Variants in ZFHX3 observed in about 807,000 individuals in gnomAD.
ZFHX3 encodes the protein zinc finger homeobox protein 3.
ZFHX3 carries 42 observed loss-of-function variants against 279.1 expected under a neutral mutation model. The ratio of observed to expected loss-of-function variants is 0.15; its 90% CI spans 0.12 to 0.19. ZFHX3 has a LOEUF of 0.19. ZFHX3 is among the 10% of genes least tolerant of loss of function. The probability of loss-of-function intolerance (pLI) is 1.00; values close to 1 mark genes in which losing one functional copy is unlikely to be tolerated. For missense variants in ZFHX3, 4,981 were observed against 4,754.0 expected, an observed-to-expected ratio of 1.05 and a Z score of -1.40; for synonymous variants, 2,293 against 1,957.8, an observed-to-expected ratio of 1.17 and a Z score of -4.52.
chr16:73,183,792 G>C (rs1384230743), intron 5 of ZFHX3, among the ~76,000 whole-genome samples: 1 of 152,078 alleles, frequency 6.6e-6, no homozygotes, highest in African/African-American at 2.4e-5. Context: ...TGGAGATGGG[G>C]AGAAATTAAT....
At chr16:72,799,564 C>T (rs891245332) in intron 8 of ZFHX3, among the ~76,000 whole-genome samples, 3 of 152,216 alleles carry the variant, frequency 2.0e-5, no homozygotes, top group Admixed American at 1.3e-4. Flanking sequence ...CTACTGTCTA[C>T]AACAATGTTC....
intron 2 of ZFHX3, among the ~76,000 whole-genome samples, chr16:73,467,693 A>T (rs2018596650): frequency 6.6e-6 from 1 of 152,182 alleles, no homozygotes; most frequent in Non-Finnish European, 1.5e-5. Context: ...ATATGTATGA[A>T]AATGTTCATA....
At chr16:73,594,225 A>T (rs2052026634) in intron 2 of ZFHX3, among the ~76,000 whole-genome samples, 1 of 152,228 alleles carries the variant, frequency 6.6e-6, no homozygotes, top group South Asian at 2.1e-4. Context: ...AAATTGAGTT[A>T]TCAAATTAAA....
chr16:73,597,476 C>T (rs1426088469), intron 2 of ZFHX3, among the ~76,000 whole-genome samples: 1 of 152,122 alleles, frequency 6.6e-6, no homozygotes, highest in Non-Finnish European at 1.5e-5. Context: ...CAGAATATGA[C>T]CTTATTTGAC....
intron 1 of ZFHX3, among the ~76,000 whole-genome samples, chr16:73,053,615 C>G (rs528551962): frequency 6.6e-6 from 1 of 152,022 alleles, no homozygotes; most frequent in African/African-American, 2.4e-5. Context: ...AATACCAGGG[C>G]GAGTGGATGT....
exon 8 of ZFHX3, chr16:73,093,320 T>G: frequency 2.4e-6 from 1 of 420,908 alleles, no homozygotes; most frequent in Admixed American, 2.8e-5. Flanking sequence ...AGATGCATAT[T>G]GAAAGCCAGA....
chr16:73,258,599 C>G (rs2013729179), intron 4 of ZFHX3, among the ~76,000 whole-genome samples: 1 of 152,142 alleles, frequency 6.6e-6, no homozygotes, highest in African/African-American at 2.4e-5. Flanking sequence ...CCGCCCACCT[C>G]AGCCTCCCAA....
intron 5 of ZFHX3, among the ~76,000 whole-genome samples, chr16:73,242,782 C>G (rs79764831): frequency 0.02 from 3,036 of 152,236 alleles, 111 homozygotes; most frequent in African/African-American, 0.07. Flanking sequence ...CCTGTCTTAA[C>G]GAGCGGAGTA....
chr16:73,706,357 G>A (rs2053303563), intron 1 of ZFHX3, among the ~76,000 whole-genome samples: 1 of 151,650 alleles, frequency 6.6e-6, no homozygotes, highest in Non-Finnish European at 1.5e-5. Flanking sequence ...AGCTACTCGG[G>A]AGGCTGAAGC....
intron 2 of ZFHX3, among the ~76,000 whole-genome samples, chr16:73,574,002 T>C (rs963935676): frequency 6.6e-6 from 1 of 152,216 alleles, no homozygotes; most frequent in African/African-American, 2.4e-5. Flanking sequence ...TTCTTTTCTG[T>C]CTTCCTTTTT....
rs373078217 is a variant in ZFHX3 at position 73,526,395 on chromosome 16, C to T, written c.-1546-70137G>A. 9.2e-5 allele frequency among the ~76,000 whole-genome samples: 14 copies of T among 152,334 alleles called. No individual in the cohort carries two copies. The East Asian group carries it at 2.3e-3, about 25-fold the overall frequency. ...GAGAAAGGAGGGGCCAAGTCTTGAG[C>T]GTAAGCTGTGACCTCGCCACCCCCA... is the stretch of plus-strand genomic sequence containing the variant. On this transcript the variant is annotated intron_variant, in intron 2 of 17. Transcript: ENST00000641206.
At chr16:73,891,595 A>C (rs1380237053) in intron 1 of ZFHX3, 1 of 152,376 alleles carries the variant, frequency 6.6e-6, no homozygotes, top group Non-Finnish European at 1.5e-5. Flanking sequence ...ACACACGCAG[A>C]AAGAGACAGA....
intron 3 of ZFHX3, among the ~76,000 whole-genome samples, chr16:72,941,461 A>G (rs922741994): frequency 2.0e-5 from 3 of 152,190 alleles, no homozygotes; most frequent in African/African-American, 7.2e-5. Context: ...CCAGAGGTAG[A>G]GCTGCTAAAC....
chr16:73,074,809 T>G (rs900006779), intron 8 of ZFHX3, among the ~76,000 whole-genome samples: 14 of 151,776 alleles, frequency 9.2e-5, no homozygotes, highest in African/African-American at 3.4e-4. Context: ...TTTCCTTTTC[T>G]TTTTTATTTG....
chr16:73,789,688 C>G (rs16972566), intron 1 of ZFHX3, among the ~76,000 whole-genome samples: 1 of 152,056 alleles, frequency 6.6e-6, no homozygotes, highest in African/African-American at 2.4e-5. Context: ...GTAATAAATA[C>G]GTTGCCAGGC....
At chr16:73,624,091 A>G (rs1472218780) in intron 2 of ZFHX3, among the ~76,000 whole-genome samples, 1 of 152,188 alleles carries the variant, frequency 6.6e-6, no homozygotes, top group Non-Finnish European at 1.5e-5. Context: ...GTGTTAATGT[A>G]ATTTTTTAAG....
intron 4 of ZFHX3, among the ~76,000 whole-genome samples, chr16:73,260,680 GTTTTTTTTTTTTTT>G (rs370384540): frequency 7.1e-4 from 63 of 88,406 alleles, no homozygotes; most frequent in Non-Finnish European, 5.4e-4. Context: ...CACCTATCTG[GTTTTTTTTTTTTTT>G]TTTTTTTTTT....
intron 1 of ZFHX3, among the ~76,000 whole-genome samples, chr16:72,986,614 C>T (rs1425186581): frequency 6.6e-6 from 1 of 152,166 alleles, no homozygotes; most frequent in African/African-American, 2.4e-5. Flanking sequence ...CCGTTTTCCT[C>T]GAGACGCAAG....
At chr16:73,465,708 A>T (rs548800497) in intron 2 of ZFHX3, among the ~76,000 whole-genome samples, 11 of 152,152 alleles carry the variant, frequency 7.2e-5, no homozygotes, top group African/African-American at 2.4e-4. Flanking sequence ...TCTTCCCCCT[A>T]CCTGGAATAC....
Sources: gnomAD v4.1 joint callset for allele counts (sites outside exome capture counted in the v4.1 genomes callset) on GRCh38, gnomAD v4.1.1 for gene constraint, MANE v1.5 for transcripts, NCBI Gene and HGNC (gene_info 2026-07-23, HGNC 2026-07-21) for gene names.